Variants in EMP1 observed in about 807,000 individuals in gnomAD.
EMP1 encodes the protein tumor-associated membrane protein.
EMP1 carries 5 observed loss-of-function variants against 15.7 expected under a neutral mutation model. The ratio of observed to expected loss-of-function variants is 0.32; its 90% CI spans 0.17 to 0.67. The LOEUF (loss-of-function observed/expected upper bound fraction) is 0.67, where lower values mean the gene tolerates loss of function less well. EMP1 is among the 30% of genes least tolerant of loss of function. The pLI, the probability that EMP1 is intolerant of heterozygous loss-of-function variation, is 0.74. For synonymous variants in EMP1, 78 were observed against 76.7 expected (o/e 1.02, Z -0.09); for missense variants, 166 against 194.2 (o/e 0.85, Z 0.86).
rs1251329464 is a variant in EMP1, at chr12:13,215,552, T to A, written c.*861T>A. The stretch of plus-strand genomic sequence containing the variant: ...CAACAGTGCCATGTTAGGGTTATGT[T>A]TTTAGGATTCCCCTCAATGCAGTCA... On this transcript the variant is annotated 3_prime_UTR_variant, in exon 5 of 5. Coordinates refer to ENST00000256951, the MANE Select transcript of EMP1 (RefSeq NM_001423.3). 2 of 152,246 alleles carry A rather than the reference T, an allele frequency of 1.3e-5. No individual in the cohort carries two copies. Among genetic ancestry groups the A allele is most frequent in the Non-Finnish European group, 2.9e-5 (2 of 68,056 alleles). The allele number at this position is 152,246 out of a possible 1,614,324, so 9.4% of individuals were successfully genotyped here. A position where few individuals can be genotyped will look rare whatever the true frequency, so the allele number is the denominator to read the frequency against.
intron 1 of EMP1, among the ~76,000 whole-genome samples, chr12:13,204,635 G>A (rs953617605): frequency 2.6e-5 from 4 of 152,228 alleles, no homozygotes; most frequent in African/African-American, 9.6e-5. Flanking sequence ...TCACGCTGAG[G>A]AAGGTGGTGT....
rs933047064 is a variant in EMP1 at position 13,211,392 on chromosome 12, C to A, written c.-42-77C>A. On this transcript the variant is annotated intron_variant, in intron 1 of 4. Coordinates refer to ENST00000256951, the MANE Select transcript of EMP1 (RefSeq NM_001423.3). The surrounding 1 kb of genome is among the most constrained non-coding windows in gnomAD (Gnocchi z 4.7). ...AGCTCTTCCTCATGTTAGCAGATAGCCCACACGTGTGGGAAAGCTGAGTCG... is the reference window on the plus strand; with the variant it reads ...AGCTCTTCCTCATGTTAGCAGATAGACCACACGTGTGGGAAAGCTGAGTCG... 1.1e-5 allele frequency: 10 copies of A among 950,006 alleles called. No homozygotes were observed. The highest frequency in any genetic ancestry group is 1.7e-5 in the Non-Finnish European group (10 of 598,120). 58.8% of individuals were successfully genotyped at this position (950,006 alleles called of 1,614,324 possible). A position where few individuals can be genotyped will look rare whatever the true frequency, so the allele number is the denominator to read the frequency against.
chr12:13,212,652 C>T lies in EMP1; in HGVS notation c.79-827C>T, dbSNP rs185655824. Among the ~76,000 whole-genome samples, 104 of 152,284 alleles carry T rather than the reference C, an allele frequency of 6.8e-4. 1 individual carries two copies. The highest frequency in any genetic ancestry group is 4.4e-5 in the Non-Finnish European group (3 of 68,028). ...CGCTGCGTATCTGTGAATTACCAGC[C>T]CCTAATATAAGGCTAGGCACACAGT... On this transcript the variant is annotated intron_variant, in intron 2 of 4. Coordinates refer to ENST00000256951, the MANE Select transcript of EMP1 (RefSeq NM_001423.3).
rs1864233792 is a variant in EMP1 at position 13,218,512 on chromosome 12, A to C, written c.*3821A>C. The C allele has an allele frequency of 6.6e-6, 1 of 152,140 alleles. No homozygotes were observed. The highest frequency in any genetic ancestry group is 6.5e-5 in the Admixed American group (1 of 15,270). 9.4% of individuals were successfully genotyped at this position (152,140 alleles called of 1,614,324 possible). On this transcript the variant is annotated 3_prime_UTR_variant, in exon 5 of 5. Coordinates refer to ENST00000256951, the MANE Select transcript of EMP1 (RefSeq NM_001423.3). Reference sequence around the variant, plus strand: ...AATGAAAAGAAGAAAACTTGTTGGAAATTTTGGAGTAGATTGTGAGGAGGG... The same window carrying C: ...AATGAAAAGAAGAAAACTTGTTGGACATTTTGGAGTAGATTGTGAGGAGGG...
rs1864224535 is a variant in EMP1 at position 13,217,458 on chromosome 12, A to T, written c.*2767A>T. The T allele has an allele frequency of 6.6e-6, 1 of 152,236 alleles. No homozygotes were observed. The allele number at this position is 152,236 out of a possible 1,614,324, so 9.4% of individuals were successfully genotyped here. A position where few individuals can be genotyped will look rare whatever the true frequency, so the allele number is the denominator to read the frequency against. ...TGAAAAGTTCAACATATTTTAAGTC[A>T]ATTAATCAAATTGCATTGATTCTTG... On this transcript the variant is annotated 3_prime_UTR_variant, in exon 5 of 5. Transcript: ENST00000256951.
At chr12:13,213,949 ATTTG>A in intron 4 of EMP1, 128 bp downstream of exon 4, 6 of 1,362,176 alleles carry the variant, frequency 4.4e-6, no homozygotes, top group Non-Finnish European at 6.2e-6. Flanking sequence ...TCCTCTGGTT[ATTTG>A]TTCTCTTGTG....
chr12:13,207,762 C>T (rs549427199), intron 1 of EMP1, among the ~76,000 whole-genome samples: 1 of 152,322 alleles, frequency 6.6e-6, no homozygotes. Flanking sequence ...CCTCCACTCA[C>T]AGTGGTGGGT....
In EMP1 at chr12:13,219,066, C is replaced by T. The variant is rs1463706950; in HGVS notation, c.*4375C>T. On this transcript the variant is annotated 3_prime_UTR_variant, in exon 5 of 5. Transcript: ENST00000256951. Reference sequence around the variant, plus strand: ...TGTCCCAAATGCCATTCCTTTGTTCCAGGGCCTCCTTGTCTTCCATCTGGG... The same window carrying T: ...TGTCCCAAATGCCATTCCTTTGTTCTAGGGCCTCCTTGTCTTCCATCTGGG... 6.6e-6 allele frequency: 1 copy of T among 152,286 alleles called. No homozygotes were observed. Among genetic ancestry groups the T allele is most frequent in the Non-Finnish European group, 1.5e-5 (1 of 68,120 alleles). The allele number at this position is 152,286 out of a possible 1,614,324, so 9.4% of individuals were successfully genotyped here. A position where few individuals can be genotyped will look rare whatever the true frequency, so the allele number is the denominator to read the frequency against.
At position 13,219,299 on chromosome 12, in the gene EMP1, T is replaced by C. The variant is rs190422205; in HGVS notation, c.*4608T>C. On this transcript the variant is annotated 3_prime_UTR_variant, in exon 5 of 5. Coordinates refer to ENST00000256951, the MANE Select transcript of EMP1 (RefSeq NM_001423.3). The stretch of plus-strand genomic sequence containing the variant: ...ACTCAAGCTTCTGGTTAACTGCTGA[T>C]CTATTGGCAACTCCAGTTCCCAATA... 2 of 152,242 alleles carry C rather than the reference T, an allele frequency of 1.3e-5. No individual in the cohort carries two copies. The highest frequency in any genetic ancestry group is 4.8e-5 in the African/African-American group (2 of 41,452). 9.4% of individuals were successfully genotyped at this position (152,242 alleles called of 1,614,324 possible). A position where few individuals can be genotyped will look rare whatever the true frequency, so the allele number is the denominator to read the frequency against.
chr12:13,212,960 T>G (rs946053387), intron 2 of EMP1, among the ~76,000 whole-genome samples: 1 of 152,262 alleles, frequency 6.6e-6, no homozygotes, highest in Non-Finnish European at 1.5e-5. Context: ...CAGTCAAGTT[T>G]GATCCTTCTG....
intron 3 of EMP1, 29 bp downstream of exon 3, chr12:13,213,604 G>C: frequency 6.2e-7 from 1 of 1,614,128 alleles, no homozygotes; most frequent in South Asian, 1.1e-5. Context: ...ACCCAGTGCT[G>C]ACAATAGGTG....
rs1179824663 is a variant in EMP1 at position 13,216,964 on chromosome 12, A to G, written c.*2273A>G. On this transcript the variant is annotated 3_prime_UTR_variant, in exon 5 of 5. Transcript: ENST00000256951. ...CAGGTAACTGAATATTATTAAGCATAGTTTTATCTTGCTTTGATTAAACCT... is the reference window on the plus strand; with the variant it reads ...CAGGTAACTGAATATTATTAAGCATGGTTTTATCTTGCTTTGATTAAACCT... The G allele has an allele frequency of 1.3e-5, 2 of 153,336 alleles. No homozygotes were observed. The highest frequency in any genetic ancestry group is 2.9e-5 in the Non-Finnish European group (2 of 68,758). The allele number at this position is 153,336 out of a possible 1,614,324, so 9.5% of individuals were successfully genotyped here.
intron 1 of EMP1, chr12:13,208,975 A>G (rs946582716): frequency 1.3e-5 from 2 of 152,216 alleles, no homozygotes; most frequent in Non-Finnish European, 2.9e-5. Flanking sequence ...TTTAGGGGTT[A>G]CAGAGCAACC....
Position 13,212,490 on chromosome 12 carries a change from TAAG to T in EMP1, c.78+905_78+907del, listed in dbSNP as rs532425655. 2.2e-3 allele frequency among the ~76,000 whole-genome samples: 341 copies of T among 152,280 alleles called. 1 individual carries two copies. The highest frequency in any genetic ancestry group is 8.0e-3 in the African/African-American group (332 of 41,544). On this transcript the variant is annotated intron_variant, in intron 2 of 4. Coordinates refer to ENST00000256951, the MANE Select transcript of EMP1 (RefSeq NM_001423.3). Reference sequence around the variant, plus strand: ...GGGTGTGATCATAAGCAAGGCTAATTAAGAATAACTGTGATAAGACAACCCCCG... The same window carrying T: ...GGGTGTGATCATAAGCAAGGCTAATTAATAACTGTGATAAGACAACCCCCG...
intron 1 of EMP1, among the ~76,000 whole-genome samples, chr12:13,207,942 C>G (rs1266904804): frequency 6.6e-6 from 1 of 152,206 alleles, no homozygotes; most frequent in Non-Finnish European, 1.5e-5. Context: ...GCACCAAATG[C>G]TCTGCAAAAA....
Position 13,219,034 on chromosome 12 carries a change from A to T in EMP1, c.*4343A>T, listed in dbSNP as rs551846417. 17 of 152,408 alleles carry T rather than the reference A, an allele frequency of 1.1e-4. No individual in the cohort carries two copies. Among genetic ancestry groups the T allele is most frequent in the African/African-American group, 3.6e-4 (15 of 41,572 alleles). The allele number at this position is 152,408 out of a possible 1,614,324, so 9.4% of individuals were successfully genotyped here. A position where few individuals can be genotyped will look rare whatever the true frequency, so the allele number is the denominator to read the frequency against. ...ACTGCTGCATTTCTTACTTGCCAAC[A>T]TCACTTTGTCCCAAATGCCATTCCT... On this transcript the variant is annotated 3_prime_UTR_variant, in exon 5 of 5. Coordinates refer to ENST00000256951, the MANE Select transcript of EMP1 (RefSeq NM_001423.3).
At chr12:13,214,452 T>C in intron 4 of EMP1, 82 bp from the exon 5 acceptor site, 2 of 1,555,402 alleles carry the variant, frequency 1.3e-6, no homozygotes, top group Non-Finnish European at 1.7e-6. Context: ...ATGAGGGAAA[T>C]AGGATCTTCT....
intron 1 of EMP1, among the ~76,000 whole-genome samples, chr12:13,202,339 G>A (rs1325828962): frequency 6.6e-6 from 1 of 152,176 alleles, no homozygotes; most frequent in Non-Finnish European, 1.5e-5. Flanking sequence ...CACCAGGCTG[G>A]AACCTCTTCA....
rs1465692903 is a variant in EMP1 at position 13,216,513 on chromosome 12, T to C, written c.*1822T>C. Reference sequence around the variant, plus strand: ...GCTGTCTTAGTGCAAAAAACATACTTACATTTCAGACATATCCAAAGGGAA... The same window carrying C: ...GCTGTCTTAGTGCAAAAAACATACTCACATTTCAGACATATCCAAAGGGAA... On this transcript the variant is annotated 3_prime_UTR_variant, in exon 5 of 5. Coordinates refer to ENST00000256951, the MANE Select transcript of EMP1 (RefSeq NM_001423.3). 3 of 699,510 alleles carry C rather than the reference T, an allele frequency of 4.3e-6. No homozygotes were observed. The highest frequency in any genetic ancestry group is 1.7e-5 in the African/African-American group (1 of 57,158). The allele number at this position is 699,510 out of a possible 1,614,324, so 43.3% of individuals were successfully genotyped here.
Sources: gnomAD v4.1 joint callset for allele counts (sites outside exome capture counted in the v4.1 genomes callset) on GRCh38, gnomAD v4.1.1 for gene constraint, Gnocchi (gnomAD v3.1) non-coding constraint, MANE v1.5 for transcripts, NCBI Gene and HGNC (gene_info 2026-07-23, HGNC 2026-07-21) for gene names.